The following XKR4 variants were observed in gnomAD, a reference collection of about 807,000 sequenced individuals.
XKR4 encodes XK-related protein 4.
XKR4 carries 12 observed loss-of-function variants against 53.9 expected under a neutral mutation model. The observed-to-expected ratio is 0.22, with a 90% CI of 0.14 to 0.36. The LOEUF (loss-of-function observed/expected upper bound fraction) is 0.36. XKR4 is among the 10% of genes least tolerant of loss of function. XKR4 has a pLI of 1.00. For missense variants in XKR4, 799 were observed against 859.5 expected, an observed-to-expected ratio of 0.93 and a Z score of 0.88; for synonymous variants, 354 against 362.4, an observed-to-expected ratio of 0.98 and a Z score of 0.26.
intron 2 of XKR4, among the ~76,000 whole-genome samples, chr8:55,365,642 G>A (rs1185728284): frequency 6.7e-6 from 1 of 149,448 alleles, no homozygotes; most frequent in Non-Finnish European, 1.5e-5. Flanking sequence ...GGGAGGCGGA[G>A]GTTGCGGTGG....
At chr8:55,350,248 T>C (rs1019391313) in intron 1 of XKR4, among the ~76,000 whole-genome samples, 1 of 152,212 alleles carries the variant, frequency 6.6e-6, no homozygotes, top group African/African-American at 2.4e-5. Context: ...CCTATAGTTA[T>C]TTTCAAAGAG....
chr8:55,252,560 G>A (rs1051246018), intron 1 of XKR4, among the ~76,000 whole-genome samples: 1 of 152,132 alleles, frequency 6.6e-6, no homozygotes, highest in South Asian at 2.1e-4. Context: ...ATTAGGAGTT[G>A]GTGCAAATAA....
chr8:55,511,511 C>T (rs767209926), intron 2 of XKR4, among the ~76,000 whole-genome samples: 43 of 152,246 alleles, frequency 2.8e-4, no homozygotes, highest in Non-Finnish European at 5.3e-4. Context: ...GAGGAACCCC[C>T]ACATATAGGG....
intron 1 of XKR4, among the ~76,000 whole-genome samples, chr8:55,163,944 G>A (rs1585913891): frequency 6.6e-6 from 1 of 152,264 alleles, no homozygotes; most frequent in East Asian, 1.9e-4. Flanking sequence ...ACTAGAATGG[G>A]AAAACATACT....
At chr8:55,520,097 G>A (rs985119327) in intron 2 of XKR4, among the ~76,000 whole-genome samples, 2 of 152,216 alleles carry the variant, frequency 1.3e-5, no homozygotes, top group African/African-American at 4.8e-5. Context: ...ATGCCTTGCT[G>A]AGGAAGTCTG....
At chr8:55,419,128 T>C (rs1804890867) in intron 2 of XKR4, among the ~76,000 whole-genome samples, 1 of 152,100 alleles carries the variant, frequency 6.6e-6, no homozygotes, top group Non-Finnish European at 1.5e-5. Context: ...CTCACGGCTG[T>C]AATCCCAGCA....
intron 1 of XKR4, among the ~76,000 whole-genome samples, chr8:55,235,739 A>T (rs917220030): frequency 1.3e-5 from 2 of 152,116 alleles, no homozygotes; most frequent in African/African-American, 4.8e-5. Context: ...GCAGCAATAG[A>T]AAGGAAAATG....
At chr8:55,223,503 T>C (rs1046881514) in intron 1 of XKR4, among the ~76,000 whole-genome samples, 1 of 152,194 alleles carries the variant, frequency 6.6e-6, no homozygotes, top group Non-Finnish European at 1.5e-5. Flanking sequence ...TAAAATAGGA[T>C]TGTATCAAAA....
At chr8:55,512,512 A>G (rs2063028) in intron 2 of XKR4, among the ~76,000 whole-genome samples, 99,465 of 152,002 alleles carry the variant, frequency 0.65, 33,555 homozygotes, top group East Asian at 0.86. Flanking sequence ...AAGCCTTAGT[A>G]CACGGGTTCT....
intron 1 of XKR4, among the ~76,000 whole-genome samples, chr8:55,200,049 C>CA (rs1212442793): frequency 1.3e-5 from 2 of 152,096 alleles, no homozygotes; most frequent in African/African-American, 4.8e-5. Context: ...CAGACAGTAC[C>CA]ATGTGGGTAA....
At chr8:55,439,191 AG>A (rs1320495503) in intron 2 of XKR4, among the ~76,000 whole-genome samples, 1 of 152,262 alleles carries the variant, frequency 6.6e-6, no homozygotes, top group African/African-American at 2.4e-5. Context: ...AAGCTAAAAA[AG>A]TAATTGAATG....
intron 2 of XKR4, among the ~76,000 whole-genome samples, chr8:55,501,228 T>A (rs1206031221): frequency 1.3e-5 from 2 of 152,212 alleles, no homozygotes; most frequent in Non-Finnish European, 2.9e-5. Flanking sequence ...ACTGTTAAGT[T>A]TATTAGAAAT....
chr8:55,368,597 C>T lies in XKR4; in HGVS notation c.1006+10720C>T, dbSNP rs528249603. ...ACACAGCTCTCCCCCTTCCCACAGA[C>T]GCCCCCATCTACTTACTCTGCGTGA... On this transcript the variant is annotated intron_variant, in intron 2 of 2. Transcript: ENST00000327381. Among the ~76,000 whole-genome samples, 12 of 152,326 alleles carry T rather than the reference C, an allele frequency of 7.9e-5. No individual in the cohort carries two copies. The East Asian group carries it at 9.6e-4, about 12-fold the overall frequency.
intron 2 of XKR4, chr8:55,450,579 A>G (rs1190396138): frequency 2.8e-6 from 2 of 724,874 alleles, no homozygotes; most frequent in Non-Finnish European, 5.0e-6. Flanking sequence ...AACTTGAGAT[A>G]GAACTGGCTG....
At chr8:55,417,237 G>T (rs146757634) in intron 2 of XKR4, among the ~76,000 whole-genome samples, 261 of 152,310 alleles carry the variant, frequency 1.7e-3, no homozygotes, top group African/African-American at 5.9e-3. Flanking sequence ...TTTCCCAAGC[G>T]GGCAGTTTAG....
chr8:55,452,545 G>A (rs117684375), intron 2 of XKR4: 49,070 of 702,344 alleles, frequency 0.07, 2,243 homozygotes, highest in Non-Finnish European at 0.093. Flanking sequence ...AATAGCTTGG[G>A]TTTCTAGATG....
chr8:55,124,299 C>A (rs16921167), intron 1 of XKR4, among the ~76,000 whole-genome samples: 32,241 of 152,064 alleles, frequency 0.21, 3,522 homozygotes, highest in Middle Eastern at 0.35. Context: ...CTTTGTGGAA[C>A]CTTCTTTAGT....
At chr8:55,464,665 G>T (rs1239939674) in intron 2 of XKR4, among the ~76,000 whole-genome samples, 2 of 152,094 alleles carry the variant, frequency 1.3e-5, no homozygotes, top group Non-Finnish European at 2.9e-5. Flanking sequence ...GAAATAAAGG[G>T]TATTCAATTA....
intron 2 of XKR4, among the ~76,000 whole-genome samples, chr8:55,518,993 G>A (rs998206228): frequency 5.3e-5 from 8 of 152,200 alleles, no homozygotes; most frequent in African/African-American, 1.9e-4. Flanking sequence ...TTATAGAGGA[G>A]GAGATGGAAT....
Sources: allele counts gnomAD v4.1 joint callset (sites outside exome capture counted in the v4.1 genomes callset), GRCh38; gene constraint gnomAD v4.1.1; transcripts MANE v1.5; gene names NCBI Gene and HGNC (gene_info 2026-07-23, HGNC 2026-07-21).